Variants in MLLT3 observed in about 807,000 individuals in gnomAD.
MLLT3 encodes protein AF-9.
Under a neutral mutation model 53.2 loss-of-function variants are expected in MLLT3, and 4 were observed. That is an observed-to-expected ratio of 0.08 (90% CI 0.04 to 0.17). The LOEUF (loss-of-function observed/expected upper bound fraction) is 0.17, where lower values mean the gene tolerates loss of function less well. MLLT3 is among the 10% of genes least tolerant of loss of function. The pLI, the probability that MLLT3 is intolerant of heterozygous loss-of-function variation, is 1.00. For missense variants in MLLT3, 569 were observed against 684.0 expected (o/e 0.83, Z 1.87); for synonymous variants, 283 against 230.6 (o/e 1.23, Z -2.06).
intron 2 of MLLT3, among the ~76,000 whole-genome samples, chr9:20,495,082 CTTAA>C (rs1554630814): frequency 6.6e-6 from 1 of 152,152 alleles, no homozygotes; most frequent in Non-Finnish European, 1.5e-5. Flanking sequence ...AAGCAAGCTA[CTTAA>C]TTAATGGGAG....
chr9:20,426,200 A>C (rs1318319439), intron 4 of MLLT3, among the ~76,000 whole-genome samples: 1 of 152,144 alleles, frequency 6.6e-6, no homozygotes, highest in Non-Finnish European at 1.5e-5. Context: ...AGTTTCAAGT[A>C]AACTTCTGCC....
intron 4 of MLLT3, among the ~76,000 whole-genome samples, chr9:20,435,179 G>C (rs1333839558): frequency 6.6e-6 from 1 of 152,018 alleles, no homozygotes; most frequent in African/African-American, 2.4e-5. Flanking sequence ...GGGCGGCCTG[G>C]ACTGGTGGCT....
In MLLT3 at chr9:20,461,559, T is replaced by C. The variant is rs569917957; in HGVS notation, c.194-4773A>G. Among the ~76,000 whole-genome samples, 9 of 151,890 alleles carry C rather than the reference T, an allele frequency of 5.9e-5. No homozygotes were observed. The South Asian group carries it at 6.2e-4, about 10-fold the overall frequency. On this transcript the variant is annotated intron_variant, in intron 2 of 10. Coordinates refer to ENST00000380338, the MANE Select transcript of MLLT3 (RefSeq NM_004529.4). ...ATGCTCTGTAAATGAATAAATATAT[T>C]TGTGCTTATATAATAAATTACTTAT...
intron 2 of MLLT3, among the ~76,000 whole-genome samples, chr9:20,507,712 C>T (rs1387341548): frequency 9.3e-6 from 1 of 107,052 alleles, no homozygotes; most frequent in Admixed American, 1.0e-4. Flanking sequence ...TAACCAATCA[C>T]AAAATGTCAT....
At position 20,576,801 on chromosome 9, in the gene MLLT3, A is replaced by G. The variant is rs78641849; in HGVS notation, c.193+43853T>C. On this transcript the variant is annotated intron_variant, in intron 2 of 10. Transcript: ENST00000380338. Reference sequence around the variant, plus strand: ...ATGCTGTTGGAGAAATGGAGCAAATAGATTTGCTCAATGAAGGGTTGTGGC... The same window carrying G: ...ATGCTGTTGGAGAAATGGAGCAAATGGATTTGCTCAATGAAGGGTTGTGGC... Among the ~76,000 whole-genome samples, 1,424 of 152,280 alleles carry G rather than the reference A, an allele frequency of 9.4e-3. 50 individuals carry two copies. In the East Asian group the frequency reaches 0.12, roughly 13 times the overall value.
At chr9:20,436,661 T>C (rs1425722973) in intron 4 of MLLT3, among the ~76,000 whole-genome samples, 1 of 152,154 alleles carries the variant, frequency 6.6e-6, no homozygotes, top group East Asian at 1.9e-4. Flanking sequence ...GCAAGAACAA[T>C]GAACAAAAAC....
intron 5 of MLLT3, among the ~76,000 whole-genome samples, chr9:20,389,965 T>C (rs1023366601): frequency 4.6e-5 from 7 of 152,196 alleles, no homozygotes; most frequent in African/African-American, 1.4e-4. Flanking sequence ...TTTTAAAAGG[T>C]TAAAATGTAA....
intron 2 of MLLT3, among the ~76,000 whole-genome samples, chr9:20,616,190 C>A (rs901632206): frequency 1.6e-4 from 24 of 152,088 alleles, no homozygotes; most frequent in African/African-American, 5.1e-4. Flanking sequence ...ATTTTATCAT[C>A]ATTTCCATAA....
intron 5 of MLLT3, among the ~76,000 whole-genome samples, chr9:20,369,231 G>C (rs564286379): frequency 6.6e-6 from 1 of 152,264 alleles, no homozygotes; most frequent in South Asian, 2.1e-4. Flanking sequence ...CTATATATGA[G>C]GAGATTCTGA....
intron 2 of MLLT3, among the ~76,000 whole-genome samples, chr9:20,565,555 T>C (rs1425671792): frequency 1.3e-5 from 2 of 152,044 alleles, no homozygotes; most frequent in African/African-American, 4.8e-5. Flanking sequence ...AATATTCCCA[T>C]TGAAACAAAG....
chr9:20,530,987 C>T (rs545823369), intron 2 of MLLT3, among the ~76,000 whole-genome samples: 12 of 151,802 alleles, frequency 7.9e-5, no homozygotes, highest in African/African-American at 2.9e-4. Flanking sequence ...ATCTTTTTAA[C>T]CTAATTTAAT....
rs552841920 is a variant in MLLT3 at position 20,597,940 on chromosome 9, C to G, written c.193+22714G>C. ...TTCCAAAGCACCATTTAAAATCAAC[C>G]AGGTCCTGTTTCTGTCTCAGCAACA... is the stretch of plus-strand genomic sequence containing the variant. On this transcript the variant is annotated intron_variant, in intron 2 of 10. Coordinates refer to ENST00000380338, the MANE Select transcript of MLLT3 (RefSeq NM_004529.4). Among the ~76,000 whole-genome samples the G allele has an allele frequency of 5.9e-5, 9 of 152,258 alleles. No homozygotes were observed. The South Asian group carries it at 1.9e-3, about 32-fold the overall frequency.
chr9:20,359,076 C>A (rs568810473), intron 8 of MLLT3, among the ~76,000 whole-genome samples: 1 of 129,074 alleles, frequency 7.7e-6, no homozygotes, highest in East Asian at 2.7e-4. Context: ...ACCCAGGAGG[C>A]GGAGGTTGCA....
chr9:20,375,322 T>C (rs1046677358), intron 5 of MLLT3, among the ~76,000 whole-genome samples: 1 of 152,182 alleles, frequency 6.6e-6, no homozygotes, highest in Admixed American at 6.5e-5. Context: ...CTATTAACTT[T>C]GAAAAAGGGC....
In MLLT3 at chr9:20,509,703, C is replaced by G. The variant is rs549915776; in HGVS notation, c.194-52917G>C. Among the ~76,000 whole-genome samples, 6 of 152,306 alleles carry G rather than the reference C, an allele frequency of 3.9e-5. No homozygotes were observed. The South Asian group carries it at 1.2e-3, about 32-fold the overall frequency. On this transcript the variant is annotated intron_variant, in intron 2 of 10. Transcript: ENST00000380338. Reference sequence around the variant, plus strand: ...GTAACGTACATGGCACTGCATCTTTCACTAACAAACGAAATGTAACCTGAA... The same window carrying G: ...GTAACGTACATGGCACTGCATCTTTGACTAACAAACGAAATGTAACCTGAA...
chr9:20,358,786 G>A (rs1337279262), intron 8 of MLLT3, among the ~76,000 whole-genome samples: 1 of 152,144 alleles, frequency 6.6e-6, no homozygotes, highest in East Asian at 1.9e-4. Flanking sequence ...CCACTGCTGT[G>A]CCCATGACGT....
At chr9:20,512,841 A>T (rs1158673325) in intron 2 of MLLT3, among the ~76,000 whole-genome samples, 1 of 152,246 alleles carries the variant, frequency 6.6e-6, no homozygotes, top group African/African-American at 2.4e-5. Flanking sequence ...TGCAGTTTGC[A>T]GAGCCTGTCT....
chr9:20,393,475 T>C (rs1194476882), intron 5 of MLLT3, among the ~76,000 whole-genome samples: 1 of 152,212 alleles, frequency 6.6e-6, no homozygotes, highest in Non-Finnish European at 1.5e-5. Context: ...CTTAGAACGC[T>C]ATCTTTAACT....
At chr9:20,528,089 T>G (rs1818246454) in intron 2 of MLLT3, among the ~76,000 whole-genome samples, 1 of 152,242 alleles carries the variant, frequency 6.6e-6, no homozygotes, top group Non-Finnish European at 1.5e-5. Context: ...TGGTACATGT[T>G]CATTAACTGT....
Sources: allele counts gnomAD v4.1 joint callset (sites outside exome capture counted in the v4.1 genomes callset), GRCh38; gene constraint gnomAD v4.1.1; transcripts MANE v1.5; gene names NCBI Gene and HGNC (gene_info 2026-07-23, HGNC 2026-07-21).